TMTC1: variants seen among roughly 807,000 people sequenced by gnomAD.
TMTC1 encodes protein O-mannosyl-transferase TMTC1.
Under a neutral mutation model 104.8 loss-of-function variants are expected in TMTC1, and 73 were observed. That is an observed-to-expected ratio of 0.70 (90% CI 0.58 to 0.85). The LOEUF is 0.85. TMTC1 is among the 40% of genes least tolerant of loss of function. The probability of loss-of-function intolerance (pLI) is 0.00; values close to 1 mark genes in which losing one functional copy is unlikely to be tolerated. For missense variants in TMTC1, 1,035 were observed against 1,096.1 expected (o/e 0.94, Z 0.79); for synonymous variants, 434 against 428.7 (o/e 1.01, Z -0.15).
At chr12:29,625,421 C>A (rs1937929929) in intron 6 of TMTC1, among the ~76,000 whole-genome samples, 1 of 152,120 alleles carries the variant, frequency 6.6e-6, no homozygotes, top group African/African-American at 2.4e-5. Context: ...GAAACCAGGC[C>A]ACAAAAACAT....
chr12:29,688,245 A>G (rs1233445493), intron 5 of TMTC1, among the ~76,000 whole-genome samples: 1 of 152,140 alleles, frequency 6.6e-6, no homozygotes, highest in Non-Finnish European at 1.5e-5. Flanking sequence ...AAAATCCAGA[A>G]AGTTCTTAGA....
chr12:29,584,631 C>T (rs1262212156), intron 7 of TMTC1, among the ~76,000 whole-genome samples: 1 of 151,968 alleles, frequency 6.6e-6, no homozygotes, highest in Non-Finnish European at 1.5e-5. Flanking sequence ...GTGATGTTCC[C>T]CTTCCTGTGT....
At chr12:29,572,051 T>C (rs1945692667) in intron 9 of TMTC1, 54 bp downstream of exon 9, 1 of 1,423,514 alleles carries the variant, frequency 7.0e-7, no homozygotes, top group Non-Finnish European at 9.9e-7. Context: ...CCAAGTGAAA[T>C]AAACAACGGT....
chr12:29,664,604 T>C (rs1348157525), intron 5 of TMTC1, among the ~76,000 whole-genome samples: 6 of 152,232 alleles, frequency 3.9e-5, no homozygotes, highest in Admixed American at 2.6e-4. Context: ...CAACAACTAA[T>C]ATGTCCCAGA....
At chr12:29,572,004 A>G in intron 9 of TMTC1, 101 bp downstream of exon 9, 2 of 902,860 alleles carry the variant, frequency 2.2e-6, no homozygotes, top group Non-Finnish European at 3.5e-6. Context: ...TACTGTCAAG[A>G]GAAACAAACA....
At chr12:29,684,052 C>T (rs1941012182) in intron 5 of TMTC1, among the ~76,000 whole-genome samples, 1 of 152,116 alleles carries the variant, frequency 6.6e-6, no homozygotes, top group African/African-American at 2.4e-5. Flanking sequence ...CCATTTTGGC[C>T]AGGCTGGCCT....
intron 5 of TMTC1, among the ~76,000 whole-genome samples, chr12:29,720,078 C>T (rs759282248): frequency 7.2e-5 from 11 of 152,150 alleles, no homozygotes; most frequent in Non-Finnish European, 1.5e-4. Context: ...GGTGCTCTCT[C>T]GACCATGAAT....
At chr12:29,574,620 G>A (rs537011814) in intron 8 of TMTC1, among the ~76,000 whole-genome samples, 1 of 152,142 alleles carries the variant, frequency 6.6e-6, no homozygotes, top group African/African-American at 2.4e-5. Context: ...TTCCTGCCTC[G>A]CAGATGGTCA....
At chr12:29,767,709 T>C (rs530145467) in intron 2 of TMTC1, among the ~76,000 whole-genome samples, 189 bp downstream of exon 2, 1 of 56,794 alleles carries the variant, frequency 1.8e-5, no homozygotes, top group African/African-American at 4.8e-5. Context: ...AACACTTTAA[T>C]AGAGTGAACT....
intron 5 of TMTC1, among the ~76,000 whole-genome samples, chr12:29,707,874 A>G (rs1335878899): frequency 6.6e-6 from 1 of 152,198 alleles, no homozygotes; most frequent in Admixed American, 6.5e-5. Context: ...TCTACACTAC[A>G]AGGTCTTTGA....
intron 10 of TMTC1, among the ~76,000 whole-genome samples, chr12:29,551,735 C>T (rs1227552102): frequency 1.3e-5 from 2 of 151,662 alleles, no homozygotes; most frequent in South Asian, 2.1e-4. Flanking sequence ...CAGGGACTTC[C>T]GCTCTGTTCA....
At chr12:29,623,502 T>C (rs1937787175) in intron 6 of TMTC1, among the ~76,000 whole-genome samples, 2 of 152,198 alleles carry the variant, frequency 1.3e-5, no homozygotes, top group East Asian at 3.9e-4. Context: ...CCCAAAATGA[T>C]GCAACAAAAC....
intron 5 of TMTC1, among the ~76,000 whole-genome samples, chr12:29,643,647 G>T (rs868838455): frequency 9.7e-4 from 4 of 4,130 alleles, no homozygotes; most frequent in African/African-American, 3.2e-3. Context: ...TAATATATAT[G>T]TTATATTATA....
At chr12:29,605,758 C>T (rs1051034349) in intron 6 of TMTC1, among the ~76,000 whole-genome samples, 2 of 151,974 alleles carry the variant, frequency 1.3e-5, no homozygotes, top group Non-Finnish European at 2.9e-5. Flanking sequence ...AGGTTTACTA[C>T]AAGGGTATAT....
intron 6 of TMTC1, among the ~76,000 whole-genome samples, chr12:29,610,221 G>A (rs1276543078): frequency 6.6e-6 from 1 of 152,204 alleles, no homozygotes; most frequent in East Asian, 1.9e-4. Flanking sequence ...AGCTCGGGCT[G>A]GTGTGAGCTA....
intron 1 of TMTC1, among the ~76,000 whole-genome samples, chr12:29,769,691 C>A (rs1943552427): frequency 6.6e-6 from 1 of 152,168 alleles, no homozygotes; most frequent in Admixed American, 6.5e-5. Context: ...GCAGGCTGAG[C>A]TTTCCACACT....
At chr12:29,692,571 C>A (rs1433155195) in intron 5 of TMTC1, among the ~76,000 whole-genome samples, 2 of 145,242 alleles carry the variant, frequency 1.4e-5, no homozygotes, top group Non-Finnish European at 3.0e-5. Flanking sequence ...CTGGTACAAG[C>A]AGTTTGGAAG....
chr12:29,657,268 G>T (rs1939804994), intron 5 of TMTC1, among the ~76,000 whole-genome samples: 1 of 152,160 alleles, frequency 6.6e-6, no homozygotes. Flanking sequence ...AAAGACAAAG[G>T]TAGTTATTTA....
chr12:29,589,805 A>T (rs2136350799), intron 7 of TMTC1, among the ~76,000 whole-genome samples: 1 of 152,352 alleles, frequency 6.6e-6, no homozygotes, highest in South Asian at 2.1e-4. Flanking sequence ...GCCTGTCCAC[A>T]ATATTTGCAG....
Sources: gnomAD v4.1 joint callset for allele counts (sites outside exome capture counted in the v4.1 genomes callset) on GRCh38, gnomAD v4.1.1 for gene constraint, MANE v1.5 for transcripts, NCBI Gene and HGNC (gene_info 2026-07-23, HGNC 2026-07-21) for gene names.